MPDZ: variants seen among roughly 807,000 people sequenced by gnomAD.
The protein encoded by MPDZ is multiple PDZ domain protein.
MPDZ carries 234 observed loss-of-function variants against 239.1 expected under a neutral mutation model. The observed-to-expected ratio is 0.98, with a 90% CI of 0.88 to 1.09. The LOEUF is 1.09. Among genes scored for constraint, MPDZ ranks in the 50% least tolerant of loss-of-function variants. The pLI, the probability that MPDZ is intolerant of heterozygous loss-of-function variation, is 0.00. For synonymous variants in MPDZ, 1,048 were observed against 881.3 expected (o/e 1.19, Z -3.35); for missense variants, 3,175 against 2,510.0 (o/e 1.26, Z -5.66).
chr9:13,127,767 C>G (rs1587008056), intron 32 of MPDZ, among the ~76,000 whole-genome samples: 2 of 152,166 alleles, frequency 1.3e-5, no homozygotes, highest in African/African-American at 4.8e-5. Flanking sequence ...CTCTCTCTTT[C>G]CAGGCAATCA....
At chr9:13,186,703 T>A (rs1178673764) in intron 17 of MPDZ, among the ~76,000 whole-genome samples, 1 of 152,102 alleles carries the variant, frequency 6.6e-6, no homozygotes, top group East Asian at 1.9e-4. Context: ...AATATTCTAA[T>A]AATCTTCCGG....
chr9:13,143,228 G>C (rs576717462), intron 27 of MPDZ, among the ~76,000 whole-genome samples: 1 of 152,198 alleles, frequency 6.6e-6, no homozygotes, highest in East Asian at 1.9e-4. Flanking sequence ...CTGGACTCAT[G>C]ATTCTCCCTT....
Position 13,176,234 on chromosome 9 carries a change from C to T in MPDZ, c.2833G>A (p.Glu945Lys). 1 of 1,605,488 alleles carries T rather than the reference C, an allele frequency of 6.2e-7. No individual in the cohort carries two copies. Among genetic ancestry groups the T allele is most frequent in the East Asian group, 2.2e-5 (1 of 44,530 alleles). ...GTCCACACTATTGTGTTTTCACATTCATATTGTTGTTCAATAGCATTTGCA... is the reference window on the plus strand; with the variant it reads ...GTCCACACTATTGTGTTTTCACATTTATATTGTTGTTCAATAGCATTTGCA... ...TPANAIEQQY[E>K]CENTIVWTES... is the part of the protein sequence containing the mutation. The change falls in exon 20 of 47, where the codon GAA becomes AAA. Residue 945 changes from glutamate (E) to lysine (K), a missense_variant. Physicochemically the swap from Glu to Lys is moderately conservative, Grantham distance 56. Transcript: ENST00000319217.
intron 18 of MPDZ, among the ~76,000 whole-genome samples, chr9:13,185,005 C>T (rs1208582829): frequency 2.0e-5 from 3 of 151,952 alleles, no homozygotes; most frequent in Non-Finnish European, 2.9e-5. Context: ...AATGCTATTT[C>T]GTCGGGTACT....
chr9:13,190,128 T>C lies in MPDZ; in HGVS notation c.2140A>G (p.Ile714Val), dbSNP rs1954698859. The C allele has an allele frequency of 4.3e-6, 7 of 1,612,538 alleles. No individual in the cohort carries two copies. In the East Asian group the frequency reaches 1.1e-4, roughly 26 times the overall value. Residue 714 changes from isoleucine (I) to valine (V), a missense_variant, in exon 16 of 47, where the codon ATT (isoleucine) becomes GTT (valine). Transcript: ENST00000319217. ...EKGSKGLGFS[I>V]LDYQDPIDPA... is the part of the protein sequence containing the mutation. ...TATATACTTACCTGATAATCTAAAA[T>C]GCTAAAACCAAGTCCTTTGCTCCCT...
intron 17 of MPDZ, 117 bp downstream of exon 17, chr9:13,188,666 GT>G (rs1954480973): frequency 1.4e-6 from 1 of 739,802 alleles, no homozygotes; most frequent in Admixed American, 2.5e-5. Flanking sequence ...TAGTAATCAC[GT>G]TGATGAAAAC....
intron 21 of MPDZ, among the ~76,000 whole-genome samples, chr9:13,169,725 A>G (rs1239814994): frequency 6.6e-6 from 1 of 152,140 alleles, no homozygotes; most frequent in Non-Finnish European, 1.5e-5. Context: ...TGTTATAGTA[A>G]TACACAACAT....
chr9:13,248,486 C>A (rs908082125), intron 2 of MPDZ, among the ~76,000 whole-genome samples: 2 of 151,992 alleles, frequency 1.3e-5, no homozygotes, highest in Non-Finnish European at 2.9e-5. Context: ...CATACTTACG[C>A]CAGACAGTTT....
chr9:13,133,334 C>A (rs1228366535), intron 32 of MPDZ, among the ~76,000 whole-genome samples: 1 of 152,076 alleles, frequency 6.6e-6, no homozygotes, highest in African/African-American at 2.4e-5. Context: ...CAATAATAGT[C>A]CATGATAAAG....
chr9:13,259,944 G>A (rs531047156), intron 1 of MPDZ, among the ~76,000 whole-genome samples: 2 of 151,644 alleles, frequency 1.3e-5, no homozygotes, highest in African/African-American at 2.4e-5. Context: ...AGCTATTCTC[G>A]TGCCTCAGCC....
At chr9:13,212,684 A>C (rs1190277232) in intron 10 of MPDZ, among the ~76,000 whole-genome samples, 1 of 151,016 alleles carries the variant, frequency 6.6e-6, no homozygotes, top group Non-Finnish European at 1.5e-5. Flanking sequence ...TGAAAAGAAG[A>C]GATCCAGGCC....
chr9:13,193,507 T>C (rs1246421042), intron 13 of MPDZ, among the ~76,000 whole-genome samples, 194 bp from the exon 14 acceptor site: 3 of 152,150 alleles, frequency 2.0e-5, no homozygotes, highest in Admixed American at 6.6e-5. Context: ...TTCATGAACT[T>C]ACAAACTGAA....
Position 13,108,969 on chromosome 9 carries a change from G to C in MPDZ, c.6033C>G (p.Asp2011Glu), listed in dbSNP as rs753880973. The C allele has an allele frequency of 6.2e-7, 1 of 1,609,548 alleles. No homozygotes were observed. The highest frequency in any genetic ancestry group is 8.5e-7 in the Non-Finnish European group (1 of 1,177,826). ...ACACTGTTTTAACATAAATGGGTAAGTCTCCATGAGGGCTGCCATATCCTC... is the reference window on the plus strand; with the variant it reads ...ACACTGTTTTAACATAAATGGGTAACTCTCCATGAGGGCTGCCATATCCTC... ...IVGGYGSPHGDLPIYVKTVFA... is the reference protein window; with the variant it reads ...IVGGYGSPHGELPIYVKTVFA... Residue 2011 changes from aspartate (D) to glutamate (E), a missense_variant, in exon 46 of 47, where the codon GAC becomes GAG. Physicochemically the swap from Asp to Glu is conservative, Grantham distance 45 (BLOSUM62 2). Coordinates refer to ENST00000319217, the MANE Select transcript of MPDZ (RefSeq NM_001378778.1).
chr9:13,136,663 G>A (rs757894509), intron 30 of MPDZ, 49 bp downstream of exon 30: 1 of 1,188,810 alleles, frequency 8.4e-7, no homozygotes, highest in South Asian at 1.3e-5. Flanking sequence ...ACTCAGAGAA[G>A]AAATGCTAAC....
chr9:13,135,071 T>C (rs1192149071), intron 31 of MPDZ: 2 of 152,206 alleles, frequency 1.3e-5, no homozygotes, highest in East Asian at 1.9e-4. Context: ...GGAGACCAAA[T>C]GTCCCAATGT....
rs375940055 is a variant in MPDZ, at chr9:13,119,431, T to C, written c.5379+71A>G. ...AGAGAAGTCATTACTAATTTGACTA[T>C]GATAGCCCAATGTTAAAATTATCTT... is the stretch of plus-strand genomic sequence containing the variant. On this transcript the variant is annotated intron_variant, in intron 39 of 46. Transcript: ENST00000319217. 274 of 1,519,554 alleles carry C rather than the reference T, an allele frequency of 1.8e-4. 2 individuals are homozygous for C. In the African/African-American group the frequency reaches 3.0e-3, roughly 17 times the overall value. 94.1% of individuals were successfully genotyped at this position (1,519,554 alleles called of 1,614,324 possible).
intron 12 of MPDZ, among the ~76,000 whole-genome samples, chr9:13,199,566 C>G (rs532159131): frequency 6.6e-6 from 1 of 151,952 alleles, no homozygotes; most frequent in Admixed American, 6.6e-5. Context: ...AAGTAAGCAT[C>G]GTTGTCTTGT....
chr9:13,234,709 T>C (rs974456103), intron 3 of MPDZ, among the ~76,000 whole-genome samples: 5 of 152,162 alleles, frequency 3.3e-5, no homozygotes, highest in African/African-American at 7.2e-5. Flanking sequence ...GCTAGTTCAG[T>C]TTCCCATATT....
At chr9:13,145,762 T>C (rs1948348630) in intron 26 of MPDZ, among the ~76,000 whole-genome samples, 1 of 151,974 alleles carries the variant, frequency 6.6e-6, no homozygotes, top group Non-Finnish European at 1.5e-5. Context: ...AATAAGAGTA[T>C]TTTCCAGGTG....
Sources: allele counts gnomAD v4.1 joint callset (sites outside exome capture counted in the v4.1 genomes callset), GRCh38; gene constraint gnomAD v4.1.1; transcripts MANE v1.5; gene names NCBI Gene and HGNC (gene_info 2026-07-23, HGNC 2026-07-21).